Variants in SLC4A3 observed in about 807,000 individuals in gnomAD.
SLC4A3 encodes solute carrier family 4 member 3.
Under a neutral mutation model 114.2 loss-of-function variants are expected in SLC4A3, and 47 were observed. The observed-to-expected ratio is 0.41, with a 90% CI of 0.33 to 0.52. SLC4A3 has a LOEUF of 0.52. Among genes scored for constraint, SLC4A3 ranks in the 20% least tolerant of loss-of-function variants. The pLI is 0.21. For synonymous variants in SLC4A3, 693 were observed against 710.3 expected (o/e 0.98, Z 0.39); for missense variants, 1,312 against 1,668.3 (o/e 0.79, Z 3.72).
chr2:219,633,514 C>A lies in SLC4A3; in HGVS notation c.1461+57C>A. 4 of 1,409,820 alleles carry A rather than the reference C, an allele frequency of 2.8e-6. No individual in the cohort carries two copies. The South Asian group carries it at 4.6e-5, about 16-fold the overall frequency. 87.3% of individuals were successfully genotyped at this position (1,409,820 alleles called of 1,614,324 possible). A position where few individuals can be genotyped will look rare whatever the true frequency, so the allele number is the denominator to read the frequency against. On this transcript the variant is annotated intron_variant, in intron 10 of 22. Transcript: ENST00000358055. ...GACTGAGAGGGTGTCCAGTTTCAGT[C>A]GAGGTCATCGACGACTTCACTGAGT...
rs140228124 is a variant in SLC4A3 at position 219,635,456 on chromosome 2, C to T, written c.1932C>T (p.Val644=). 632 of 1,613,818 alleles carry T rather than the reference C, an allele frequency of 3.9e-4. 6 individuals are homozygous for T. The East Asian group carries it at 9.2e-3, about 24-fold the overall frequency. The part of the protein sequence containing the change: ...RKRREREQTK[V]EMTTRGGYTA... ...GGCGAGAGCGTGAACAGACCAAAGT[C>T]GAGATGACCACACGGGGTGGCTACA... The change falls in exon 13 of 23, where the codon GTC becomes GTT. Residue 644 remains valine, a synonymous_variant. Coordinates refer to ENST00000358055, the MANE Select transcript of SLC4A3 (RefSeq NM_005070.4).
At position 219,636,402 on chromosome 2, in the gene SLC4A3, G is replaced by T. The variant is rs781343817; in HGVS notation, c.2292G>T (p.Val764=). The part of the protein sequence containing the change: ...FSLLGAQPLL[V]VGFSGPLLVF... Reference sequence around the variant, plus strand: ...TGCTGGGAGCTCAGCCGCTGCTTGTGGTTGGCTTCTCTGGGCCGCTGCTTG... The same window carrying T: ...TGCTGGGAGCTCAGCCGCTGCTTGTTGTTGGCTTCTCTGGGCCGCTGCTTG... The change falls in exon 15 of 23, where the codon GTG becomes GTT. Residue 764 remains valine (V), a synonymous_variant. Coordinates refer to ENST00000358055, the MANE Select transcript of SLC4A3 (RefSeq NM_005070.4). This position sits in a 1 kb window ranked among gnomAD's most constrained non-coding sequence, Gnocchi z 5.5. 7.9e-5 allele frequency: 128 copies of T among 1,613,262 alleles called. No homozygotes were observed. Among genetic ancestry groups the T allele is most frequent in the Non-Finnish European group, 1.0e-5 (12 of 1,179,784 alleles).
chr2:219,636,729 G>A lies in SLC4A3; in HGVS notation c.2390G>A (p.Gly797Asp). The change falls in exon 16 of 23, where the codon GGT (glycine) becomes GAT (aspartate). Residue 797 changes from glycine (G) to aspartate (D), a missense_variant. Gly to Asp is a moderately conservative substitution (Grantham distance 94, BLOSUM62 -1). Transcript: ENST00000358055. This position sits in a 1 kb window ranked among gnomAD's most constrained non-coding sequence, Gnocchi z 5.5. ...TACCTCACTGGCCGGGTGTGGGTTGGTCTCTGGCTGGTGGTCTTCGTCCTT... is the reference window on the plus strand; with the variant it reads ...TACCTCACTGGCCGGGTGTGGGTTGATCTCTGGCTGGTGGTCTTCGTCCTT... The part of the protein sequence containing the change: ...LEYLTGRVWV[G>D]LWLVVFVLAL... The A allele has an allele frequency of 1.2e-6, 2 of 1,614,104 alleles. No homozygotes were observed. The highest frequency in any genetic ancestry group is 1.7e-4 in the Middle Eastern group (1 of 6,058).
At position 219,638,152 on chromosome 2, in the gene SLC4A3, G is replaced by T. The variant is rs371674244; in HGVS notation, c.2767-12G>T. On this transcript the variant is annotated splice_polypyrimidine_tract_variant and intron_variant, in intron 17 of 22. Transcript: ENST00000358055. The surrounding 1 kb of genome is among the most constrained non-coding windows in gnomAD (Gnocchi z 7.5). ...CACCTTTTGCTCCCTTCCCCAACTGGCCCCTCTCAAGGCTCGTCGCATCAT... is the reference window on the plus strand; with the variant it reads ...CACCTTTTGCTCCCTTCCCCAACTGTCCCCTCTCAAGGCTCGTCGCATCAT... 98 of 1,604,746 alleles carry T rather than the reference G, an allele frequency of 6.1e-5. No homozygotes were observed. The highest frequency in any genetic ancestry group is 7.7e-5 in the Non-Finnish European group (90 of 1,174,292).
chr2:219,636,223 C>A lies in SLC4A3; in HGVS notation c.2192-79C>A. On this transcript the variant is annotated intron_variant, in intron 14 of 22. Coordinates refer to ENST00000358055, the MANE Select transcript of SLC4A3 (RefSeq NM_005070.4). This position sits in a 1 kb window ranked among gnomAD's most constrained non-coding sequence, Gnocchi z 5.5. ...GGCTGCTCTGCTTTTGTTGGGGGCC[C>A]CAGTTTAGGACAAGCTAGATGAAGA... 1 of 1,571,568 alleles carries A rather than the reference C, an allele frequency of 6.4e-7. No individual in the cohort carries two copies. The highest frequency in any genetic ancestry group is 8.7e-7 in the Non-Finnish European group (1 of 1,154,234).
Position 219,633,442 on chromosome 2 carries a change from C to A in SLC4A3, c.1446C>A (p.Asp482Glu). 2 of 1,549,410 alleles carry A rather than the reference C, an allele frequency of 1.3e-6. No homozygotes were observed. The highest frequency in any genetic ancestry group is 1.4e-5 in the African/African-American group (1 of 72,506). Residue 482 changes from aspartate to glutamate, a missense_variant, in exon 10 of 23, where the codon GAC becomes GAA. This residue lies in a region of SLC4A3 where 771 missense variants were observed against 977.7 expected (regional missense o/e 0.79). Transcript: ENST00000358055. ...LGEPAPLWPH[D>E]PDAKEKPLHM... ...AGCCAGCCCCACTCTGGCCACATGA[C>A]CCTGACGCCAAGGAGGTCAGTGCCC...
In SLC4A3 at chr2:219,635,843, A is replaced by G; in HGVS notation, c.2143A>G (p.Ile715Val). ...CCAGTGTGTGGCCGCTGTGCTCTTC[A>G]TCTACTTCGCAGCCCTCAGCCCTGC... The part of the protein sequence containing the change: ...HSQCVAAVLF[I>V]YFAALSPAIT... The change falls in exon 14 of 23, where the codon ATC becomes GTC. Residue 715 changes from isoleucine to valine, a missense_variant. By Grantham distance (29) the Ile-to-Val change is conservative. This residue lies in a region of SLC4A3 where 771 missense variants were observed against 977.7 expected (regional missense o/e 0.79). Transcript: ENST00000358055. 1 of 1,576,648 alleles carries G rather than the reference A, an allele frequency of 6.3e-7. No individual in the cohort carries two copies. Among genetic ancestry groups the G allele is most frequent in the Non-Finnish European group, 8.6e-7 (1 of 1,162,910 alleles).
At chr2:219,632,205 C>G in intron 7 of SLC4A3, 57 bp from the exon 8 acceptor site, 1 of 1,610,814 alleles carries the variant, frequency 6.2e-7, no homozygotes, top group Non-Finnish European at 8.5e-7. Context: ...CTTGCCCCAT[C>G]ACGGTGTTCC....
rs1242025040 is a variant in SLC4A3, at chr2:219,635,855, G to A, written c.2155G>A (p.Ala719Thr). 6.4e-7 allele frequency: 1 copy of A among 1,553,308 alleles called. No homozygotes were observed. The highest frequency in any genetic ancestry group is 1.3e-5 in the South Asian group (1 of 79,874). Residue 719 changes from alanine to threonine, a missense_variant, in exon 14 of 23, where the codon GCC becomes ACC. By Grantham distance (58) the Ala-to-Thr change is moderately conservative (BLOSUM62 0). This residue lies in a region of SLC4A3 where 771 missense variants were observed against 977.7 expected (regional missense o/e 0.79). Transcript: ENST00000358055. ...CGCTGTGCTCTTCATCTACTTCGCAGCCCTCAGCCCTGCCATCACCTTCGG... is the reference window on the plus strand; with the variant it reads ...CGCTGTGCTCTTCATCTACTTCGCAACCCTCAGCCCTGCCATCACCTTCGG... ...VAAVLFIYFA[A>T]LSPAITFGGL...
At position 219,629,321 on chromosome 2, in the gene SLC4A3, C is replaced by A. The variant is rs1204092364; in HGVS notation, c.395C>A (p.Ala132Asp). ...CCTCCCATCCAGGAGGAGGGGGGAGCTGGAGTGGATGAGGAAGAGGAGGAA... is the reference window on the plus strand; with the variant it reads ...CCTCCCATCCAGGAGGAGGGGGGAGATGGAGTGGATGAGGAAGAGGAGGAA... ...GTPPIQEEGG[A>D]GVDEEEEEEE... is the part of the protein sequence containing the mutation. The change falls in exon 4 of 23, where the codon GCT (alanine) becomes GAT (aspartate). Residue 132 changes from alanine to aspartate, a missense_variant. Ala to Asp is a moderately radical substitution (Grantham distance 126). This residue lies in a region of SLC4A3 where 236 missense variants were observed against 212.1 expected (regional missense o/e 1.11). Coordinates refer to ENST00000358055, the MANE Select transcript of SLC4A3 (RefSeq NM_005070.4). 1 of 1,612,786 alleles carries A rather than the reference C, an allele frequency of 6.2e-7. No individual in the cohort carries two copies. Among genetic ancestry groups the A allele is most frequent in the South Asian group, 1.1e-5 (1 of 90,942 alleles).
Position 219,638,792 on chromosome 2 carries a change from G to A in SLC4A3, c.2946G>A (p.Pro982=), listed in dbSNP as rs373766641. Residue 982 remains proline, a synonymous_variant, in exon 19 of 23, where the codon CCG becomes CCA. Transcript: ENST00000358055. This position sits in a 1 kb window ranked among gnomAD's most constrained non-coding sequence, Gnocchi z 7.5. ...CCCTGGGCAGTGCCCGTCCTTTCCC[G>A]CCGTGGATGATGGTGGCAGCCGCTG... The part of the protein sequence containing the change: ...IPPLGSARPF[P]PWMMVAAAVP... 9.9e-6 allele frequency: 16 copies of A among 1,613,982 alleles called. No homozygotes were observed. The highest frequency in any genetic ancestry group is 1.6e-4 in the Middle Eastern group (1 of 6,084).
chr2:219,634,442 G>T lies in SLC4A3; in HGVS notation c.1584G>T (p.Gln528His). The T allele has an allele frequency of 6.2e-7, 1 of 1,614,166 alleles. No individual in the cohort carries two copies. The highest frequency in any genetic ancestry group is 2.2e-5 in the East Asian group (1 of 44,874). ...TAGGTTGTGTGCCTTTCTTGGAGCA[G>T]CCTGCAGCAGCCTTCGTGCGTCTGA... ...VLVGCVPFLEQPAAAFVRLNE... is the reference protein window; with the variant it reads ...VLVGCVPFLEHPAAAFVRLNE... The change falls in exon 12 of 23, where the codon CAG becomes CAT. Residue 528 changes from glutamine (Q) to histidine (H), a missense_variant. Gln to His is a conservative substitution (Grantham distance 24). Transcript: ENST00000358055.
Position 219,628,666 on chromosome 2 carries a change from C to A in SLC4A3, c.217+96C>A. On this transcript the variant is annotated intron_variant, in intron 3 of 22. Coordinates refer to ENST00000358055, the MANE Select transcript of SLC4A3 (RefSeq NM_005070.4). The surrounding 1 kb of genome is among the most constrained non-coding windows in gnomAD (Gnocchi z 4.8). ...TCACCTCCGGCTTGGTCACCCAGTG[C>A]CATCCTGTGCCGGACACTGTGCTGG... 1 of 1,246,872 alleles carries A rather than the reference C, an allele frequency of 8.0e-7. No individual in the cohort carries two copies. The highest frequency in any genetic ancestry group is 1.1e-6 in the Non-Finnish European group (1 of 876,746). 77.2% of individuals were successfully genotyped at this position (1,246,872 alleles called of 1,614,324 possible).
chr2:219,634,523 C>T lies in SLC4A3; in HGVS notation c.1665C>T (p.Leu555=). The change falls in exon 12 of 23, where the codon CTC becomes CTT. Residue 555 remains leucine (L), a synonymous_variant. Transcript: ENST00000358055. ...VLEVPVPVRF[L]FVMLGPSHTS... is the part of the protein sequence containing the mutation. ...AGGTCCCTGTCCCGGTCCGCTTCCT[C>T]TTCGTGATGCTGGGGCCCAGCCACA... 6.2e-7 allele frequency: 1 copy of T among 1,614,236 alleles called. No individual in the cohort carries two copies. Among genetic ancestry groups the T allele is most frequent in the Non-Finnish European group, 8.5e-7 (1 of 1,180,052 alleles).
chr2:219,634,622 T>G lies in SLC4A3; in HGVS notation c.1746+18T>G, dbSNP rs200702541. On this transcript the variant is annotated intron_variant, in intron 12 of 22. Coordinates refer to ENST00000358055, the MANE Select transcript of SLC4A3 (RefSeq NM_005070.4). ...CTGACAAGGTTGGGCGCGTGCTGGC[T>G]CTCAAGGCCTCTTCTCCTAGGCCCT... The G allele has an allele frequency of 7.4e-6, 12 of 1,611,544 alleles. No individual in the cohort carries two copies. Among genetic ancestry groups the G allele is most frequent in the South Asian group, 1.1e-5 (1 of 90,730 alleles).
Position 219,636,648 on chromosome 2 carries a change from T to C in SLC4A3, c.2341-32T>C. On this transcript the variant is annotated intron_variant, in intron 15 of 22. Transcript: ENST00000358055. The surrounding 1 kb of genome is among the most constrained non-coding windows in gnomAD (Gnocchi z 5.5). ...GCATTGACACCCAGGGCAGTCCACC[T>C]GTGGGTAACGACCGCTCCTACCCCC... The C allele has an allele frequency of 6.3e-7, 1 of 1,588,310 alleles. No homozygotes were observed. Among genetic ancestry groups the C allele is most frequent in the Non-Finnish European group, 8.6e-7 (1 of 1,163,734 alleles).
At chr2:219,633,191 G>A in intron 9 of SLC4A3, 83 bp from the exon 10 acceptor site, 1 of 1,409,376 alleles carries the variant, frequency 7.1e-7, no homozygotes, top group East Asian at 2.3e-5. Context: ...AGGGATGGAG[G>A]TCCTGACCCT....
rs55910611 is a variant in SLC4A3 at position 219,635,690 on chromosome 2, G to T, written c.1990G>T (p.Gly664Trp). 1 of 1,588,816 alleles carries T rather than the reference G, an allele frequency of 6.3e-7. No individual in the cohort carries two copies. The change falls in exon 14 of 23, where the codon GGG becomes TGG. Residue 664 changes from glycine (G) to tryptophan (W), a missense_variant. This residue lies in a region of SLC4A3 where 771 missense variants were observed against 977.7 expected (regional missense o/e 0.79). Transcript: ENST00000358055. ...APGKELSLEL[G>W]GSEATPEDDP... ...TCCCCCAGAACTGTCTTTGGAGTTG[G>T]GGGGCTCTGAGGCAACCCCTGAAGA...
chr2:219,632,761 G>A, intron 8 of SLC4A3, 113 bp from the exon 9 acceptor site: 6 of 1,365,698 alleles, frequency 4.4e-6, no homozygotes, highest in Non-Finnish European at 6.1e-6. Context: ...GGGTACATTG[G>A]GCGCTTTGCC....
Sources: allele counts gnomAD v4.1 joint callset, GRCh38; gene constraint gnomAD v4.1.1; regional missense constraint gnomAD v4.1.1; non-coding constraint Gnocchi (gnomAD v3.1); transcripts MANE v1.5; gene names NCBI Gene and HGNC (gene_info 2026-07-23, HGNC 2026-07-21).